MAP4K3: variants seen among roughly 807,000 people sequenced by gnomAD.
MAP4K3 encodes the protein mitogen-activated protein kinase kinase kinase kinase 3.
Under a neutral mutation model 143.5 loss-of-function variants are expected in MAP4K3, and 94 were observed. The ratio of observed to expected loss-of-function variants is 0.65; its 90% CI spans 0.55 to 0.78. The LOEUF is 0.78. Ranked by LOEUF, MAP4K3 falls within the 30% of genes least tolerant of loss-of-function variation. The probability of loss-of-function intolerance (pLI) is 0.00; values close to 1 mark genes in which losing one functional copy is unlikely to be tolerated. For synonymous variants in MAP4K3, 416 were observed against 347.2 expected (o/e 1.20, Z -2.20); for missense variants, 1,077 against 1,068.1 (o/e 1.01, Z -0.12).
At chr2:39,404,725 G>A (rs1313456000) in intron 1 of MAP4K3, among the ~76,000 whole-genome samples, 2 of 149,122 alleles carry the variant, frequency 1.3e-5, no homozygotes, top group South Asian at 2.1e-4. Context: ...GGGTTCAAGC[G>A]ATTCTCCTGC....
chr2:39,272,350 C>T lies in MAP4K3; in HGVS notation c.1906G>A (p.Ala636Thr). 3.1e-6 allele frequency: 5 copies of T among 1,613,648 alleles called. No individual in the cohort carries two copies. The highest frequency in any genetic ancestry group is 4.2e-6 in the Non-Finnish European group (5 of 1,179,814). Residue 636 changes from alanine to threonine, a missense_variant, in exon 26 of 34, where the codon GCA becomes ACA. By Grantham distance (58) the Ala-to-Thr change is moderately conservative. Transcript: ENST00000263881. Reference protein sequence around the residue: ...SHNLPGLFDYARQMQKLPVAI... With the variant: ...SHNLPGLFDYTRQMQKLPVAI... Reference sequence around the variant, plus strand: ...ACAGGTAACTTTTGCATTTGTCTTGCATAATCAAAAAGCCCTGGTAAATTA... The same window carrying T: ...ACAGGTAACTTTTGCATTTGTCTTGTATAATCAAAAAGCCCTGGTAAATTA...
intron 18 of MAP4K3, among the ~76,000 whole-genome samples, chr2:39,290,848 A>G (rs1442104856): frequency 1.3e-5 from 2 of 152,160 alleles, no homozygotes; most frequent in Non-Finnish European, 2.9e-5. Context: ...AGGTGGGCAG[A>G]TCACGAGGTC....
At chr2:39,358,941 T>C (rs1239722243) in intron 2 of MAP4K3, among the ~76,000 whole-genome samples, 1 of 152,088 alleles carries the variant, frequency 6.6e-6, no homozygotes, top group Non-Finnish European at 1.5e-5. Flanking sequence ...ATCATTCCAC[T>C]CCTGGCCCCT....
At chr2:39,369,205 G>GTTTTTTTTTTTTTT (rs68013609) in intron 2 of MAP4K3, among the ~76,000 whole-genome samples, 10,305 of 124,694 alleles carry the variant, frequency 0.083, 702 homozygotes, top group African/African-American at 0.13. Context: ...TTTTTTTTTT[G>GTTTTTTTTTTTTTT]TTTTTTTTGA....
intron 24 of MAP4K3, 74 bp from the exon 25 acceptor site, chr2:39,272,616 G>A (rs182137974): frequency 6.1e-5 from 72 of 1,178,698 alleles, no homozygotes; most frequent in East Asian, 1.4e-4. Flanking sequence ...CAGTAATCAC[G>A]TAAGCTGTCT....
At chr2:39,322,075 C>G (rs1573148263) in intron 12 of MAP4K3, among the ~76,000 whole-genome samples, 1 of 152,222 alleles carries the variant, frequency 6.6e-6, no homozygotes, top group South Asian at 2.1e-4. Context: ...CAAGTCTCTC[C>G]TTCCACCTAA....
At chr2:39,383,364 G>C (rs1465532117) in intron 1 of MAP4K3, among the ~76,000 whole-genome samples, 2 of 152,076 alleles carry the variant, frequency 1.3e-5, no homozygotes, top group African/African-American at 4.8e-5. Context: ...CAGATCTCAT[G>C]AGAACTCACT....
At chr2:39,253,872 A>G (rs1293448207) in intron 32 of MAP4K3, among the ~76,000 whole-genome samples, 1 of 152,212 alleles carries the variant, frequency 6.6e-6, no homozygotes, top group Non-Finnish European at 1.5e-5. Flanking sequence ...ACTGACTTGA[A>G]TATGTCACAC....
intron 2 of MAP4K3, among the ~76,000 whole-genome samples, chr2:39,375,142 C>G (rs549726449): frequency 3.5e-4 from 53 of 152,198 alleles, no homozygotes; most frequent in African/African-American, 1.1e-3. Flanking sequence ...GCCTGCAGTC[C>G]TAGCTACTTG....
chr2:39,409,457 AG>A (rs1253764701), intron 1 of MAP4K3, among the ~76,000 whole-genome samples: 3 of 151,710 alleles, frequency 2.0e-5, no homozygotes, highest in Non-Finnish European at 4.4e-5. Flanking sequence ...AGCTGGCTGC[AG>A]TGGCACCAGC....
intron 1 of MAP4K3, among the ~76,000 whole-genome samples, chr2:39,385,551 CATATATATATATATATATAT>C (rs140387430): frequency 3.5e-4 from 39 of 111,250 alleles, no homozygotes; most frequent in South Asian, 6.4e-4. Flanking sequence ...GAGCGTTCTT[CATATATATATATATATATAT>C]ATATATATAT....
At chr2:39,304,201 C>T (rs1375447825) in intron 15 of MAP4K3, among the ~76,000 whole-genome samples, 1 of 149,128 alleles carries the variant, frequency 6.7e-6, no homozygotes, top group Non-Finnish European at 1.5e-5. Context: ...AGTTTAAATA[C>T]AACATTCTAA....
intron 26 of MAP4K3, among the ~76,000 whole-genome samples, chr2:39,268,881 C>G (rs1342059193): frequency 6.6e-6 from 1 of 151,844 alleles, no homozygotes; most frequent in Non-Finnish European, 1.5e-5. Context: ...CTCAATTGAT[C>G]CACCGTGCCT....
intron 1 of MAP4K3, chr2:39,436,592 T>C (rs964095276): frequency 1.7e-5 from 7 of 406,106 alleles, no homozygotes; most frequent in Admixed American, 8.4e-5. Flanking sequence ...TTCTCTGCAC[T>C]ATGGATGAGC....
At chr2:39,398,814 G>A (rs1666879288) in intron 1 of MAP4K3, among the ~76,000 whole-genome samples, 1 of 150,674 alleles carries the variant, frequency 6.6e-6, no homozygotes, top group Non-Finnish European at 1.5e-5. Flanking sequence ...AGGCTGAGGT[G>A]GGTGGATCAC....
intron 2 of MAP4K3, among the ~76,000 whole-genome samples, chr2:39,358,013 T>C (rs929588303): frequency 6.6e-6 from 1 of 152,104 alleles, no homozygotes; most frequent in Non-Finnish European, 1.5e-5. Context: ...GAGTCAGCCT[T>C]AGGATAAAGT....
At chr2:39,270,793 C>T (rs1315306184) in intron 26 of MAP4K3, among the ~76,000 whole-genome samples, 2 of 152,078 alleles carry the variant, frequency 1.3e-5, no homozygotes, top group Admixed American at 6.6e-5. Flanking sequence ...TTAAGTTGTG[C>T]TCACTGTATG....
intron 1 of MAP4K3, among the ~76,000 whole-genome samples, chr2:39,417,216 T>C (rs1299588818): frequency 9.7e-6 from 1 of 102,720 alleles, no homozygotes. Context: ...GTTTCTTTTC[T>C]TTTTTTTTTT....
chr2:39,285,034 G>C (rs1681709385), intron 21 of MAP4K3, among the ~76,000 whole-genome samples: 1 of 151,736 alleles, frequency 6.6e-6, no homozygotes, highest in Non-Finnish European at 1.5e-5. Flanking sequence ...CTAGGATTAT[G>C]GGTGCATGCC....
Sources: gnomAD v4.1 joint callset for allele counts (sites outside exome capture counted in the v4.1 genomes callset) on GRCh38, gnomAD v4.1.1 for gene constraint, MANE v1.5 for transcripts, NCBI Gene and HGNC (gene_info 2026-07-23, HGNC 2026-07-21) for gene names.